The following ANKH variants were observed in gnomAD, a reference collection of about 807,000 sequenced individuals.
ANKH encodes mineralization regulator ANKH.
A neutral mutation model predicts 49.0 loss-of-function variants in ANKH; 15 were observed. The observed-to-expected ratio is 0.31, with a 90% confidence interval of 0.20 to 0.47. The LOEUF is 0.47. ANKH is among the 20% of genes least tolerant of loss of function. ANKH has a pLI of 1.00. For missense variants in ANKH, 429 were observed against 652.0 expected (o/e 0.66, Z 3.72); for synonymous variants, 273 against 260.0 (o/e 1.05, Z -0.48).
At chr5:14,836,712 CA>C (rs1386727363) in intron 1 of ANKH, among the ~76,000 whole-genome samples, 1 of 151,950 alleles carries the variant, frequency 6.6e-6, no homozygotes, top group Non-Finnish European at 1.5e-5. Context: ...TTTATAGATT[CA>C]ATGCCATCCC....
chr5:14,715,305 G>A (rs975963035), intron 9 of ANKH, among the ~76,000 whole-genome samples: 11 of 152,122 alleles, frequency 7.2e-5, no homozygotes, highest in African/African-American at 2.7e-4. Context: ...CTAATTTTTT[G>A]TATTTAGTAG....
At chr5:14,739,206 C>G (rs534062348) in intron 8 of ANKH, among the ~76,000 whole-genome samples, 10 of 152,268 alleles carry the variant, frequency 6.6e-5, no homozygotes, top group African/African-American at 2.4e-4. Context: ...CACTTGAGGT[C>G]AGGAGTTCGA....
rs994155283 is a variant in ANKH at position 14,773,506 on chromosome 5, T to C, written c.97-4315A>G. On this transcript the variant is annotated intron_variant, in intron 1 of 11. Coordinates refer to ENST00000284268, the MANE Select transcript of ANKH (RefSeq NM_054027.6). ...GGAAGAGAGAGGGCCCAGGTAATGA[T>C]AGCTCTGTCAGTGAGACAAAGTGAG... Among the ~76,000 whole-genome samples, 12 of 152,218 alleles carry C rather than the reference T, an allele frequency of 7.9e-5. 1 individual carries two copies. Among genetic ancestry groups the C allele is most frequent in the South Asian group, 4.2e-4 (2 of 4,818 alleles).
intron 8 of ANKH, chr5:14,741,388 C>T (rs901121444): frequency 4.5e-6 from 1 of 222,862 alleles, no homozygotes; most frequent in Non-Finnish European, 9.0e-6. Context: ...CCTATGGGCA[C>T]GTGATGGCCA....
At chr5:14,843,548 C>CAAAA (rs1561080362) in intron 1 of ANKH, among the ~76,000 whole-genome samples, 2 of 21,100 alleles carry the variant, frequency 9.5e-5, no homozygotes, top group African/African-American at 2.3e-4. Flanking sequence ...AGGGGATTAG[C>CAAAA]GAAAAAAAAA....
intron 1 of ANKH, among the ~76,000 whole-genome samples, chr5:14,793,813 G>T (rs1740286060): frequency 6.6e-6 from 1 of 152,178 alleles, no homozygotes; most frequent in Non-Finnish European, 1.5e-5. Context: ...TGCCTTGTTT[G>T]CTCTCTCGTG....
At chr5:14,766,079 A>G (rs567497405) in intron 2 of ANKH, among the ~76,000 whole-genome samples, 3 of 152,270 alleles carry the variant, frequency 2.0e-5, no homozygotes, top group East Asian at 3.9e-4. Flanking sequence ...TTTTGTATCA[A>G]AGATAAGGAA....
intron 1 of ANKH, among the ~76,000 whole-genome samples, chr5:14,775,727 T>A (rs931256107): frequency 7.3e-5 from 11 of 151,568 alleles, no homozygotes; most frequent in African/African-American, 2.7e-4. Context: ...GTAAGAGAAA[T>A]AGAGAGGTGT....
intron 8 of ANKH, chr5:14,717,118 C>G: frequency 2.4e-6 from 1 of 411,526 alleles, no homozygotes; most frequent in South Asian, 2.1e-5. Flanking sequence ...GTGAGCAGAC[C>G]CGTTCAGAAC....
At chr5:14,797,921 T>C (rs1740441452) in intron 1 of ANKH, 11 of 1,599,876 alleles carry the variant, frequency 6.9e-6, no homozygotes, top group African/African-American at 1.3e-5. Context: ...AAGGATCTGG[T>C]TTAGAAGGAT....
chr5:14,779,302 C>T lies in ANKH; in HGVS notation c.97-10111G>A, dbSNP rs149467537. 1.6e-3 allele frequency among the ~76,000 whole-genome samples: 239 copies of T among 152,270 alleles called. 1 individual carries two copies. Among genetic ancestry groups the T allele is most frequent in the African/African-American group, 5.5e-3 (228 of 41,544 alleles). ...ATCTTTGCTACTTGACTGGCCTTCC[C>T]ATCAATGTTTACACAGGCAAAAGTC... On this transcript the variant is annotated intron_variant, in intron 1 of 11. Transcript: ENST00000284268.
chr5:14,861,191 T>C (rs1735478749), intron 1 of ANKH, among the ~76,000 whole-genome samples: 1 of 152,156 alleles, frequency 6.6e-6, no homozygotes, highest in African/African-American at 2.4e-5. Context: ...ACATAAATGC[T>C]CGCACAGGAT....
intron 7 of ANKH, among the ~76,000 whole-genome samples, chr5:14,742,286 A>T (rs1053236748): frequency 1.3e-5 from 2 of 152,112 alleles, no homozygotes; most frequent in Non-Finnish European, 2.9e-5. Flanking sequence ...CACCATCGGC[A>T]TCTCCCTAAA....
Position 14,745,916 on chromosome 5 carries a change from T to C in ANKH, c.869A>G (p.Tyr290Cys). ...TATYPVGHMP[Y>C]GWLTEIRAVY... ...AGCACGGATTTCCGTCAACCAGCCG[T>C]ATGGCATGTGACCCACAGGGTATGT... The change falls in exon 7 of 12, where the codon TAC becomes TGC. Residue 290 changes from tyrosine to cysteine, a missense_variant. Physicochemically the swap from Tyr to Cys is radical, Grantham distance 194 (BLOSUM62 -2). Coordinates refer to ENST00000284268, the MANE Select transcript of ANKH (RefSeq NM_054027.6). This position sits in a 1 kb window ranked among gnomAD's most constrained non-coding sequence, Gnocchi z 4.7. The C allele has an allele frequency of 4.3e-6, 7 of 1,614,192 alleles. No individual in the cohort carries two copies. The highest frequency in any genetic ancestry group is 5.9e-6 in the Non-Finnish European group (7 of 1,180,034).
intron 4 of ANKH, among the ~76,000 whole-genome samples, chr5:14,754,404 G>A: frequency 6.7e-6 from 1 of 149,200 alleles, no homozygotes; most frequent in Admixed American, 6.7e-5. Flanking sequence ...TCACCGACTT[G>A]CTGATGCCAG....
intron 1 of ANKH, among the ~76,000 whole-genome samples, chr5:14,794,166 G>A (rs192107629): frequency 3.9e-5 from 6 of 152,236 alleles, no homozygotes; most frequent in Non-Finnish European, 7.3e-5. Context: ...AGGCATTGTT[G>A]GGAAGTGTAC....
chr5:14,854,402 G>A (rs1465600406), intron 1 of ANKH, among the ~76,000 whole-genome samples: 1 of 152,110 alleles, frequency 6.6e-6, no homozygotes, highest in East Asian at 1.9e-4. Context: ...GGTGGTAGCC[G>A]GGCATGGTGG....
Position 14,763,250 on chromosome 5 carries a change from C to G in ANKH, c.314-4652G>C, listed in dbSNP as rs1430384554. ...TCAATGTTTAAAAGTCTCACAGGTA[C>G]TGTTGTTGACCCACTGTGACCAGCT... On this transcript the variant is annotated intron_variant, in intron 2 of 11. Coordinates refer to ENST00000284268, the MANE Select transcript of ANKH (RefSeq NM_054027.6). Among the ~76,000 whole-genome samples the G allele has an allele frequency of 4.6e-5, 7 of 152,246 alleles. 1 individual carries two copies. The highest frequency in any genetic ancestry group is 1.0e-4 in the Non-Finnish European group (7 of 68,048).
At chr5:14,821,581 ACCATCTTCACTGC>A (rs2126587008) in intron 1 of ANKH, among the ~76,000 whole-genome samples, 1 of 152,352 alleles carries the variant, frequency 6.6e-6, no homozygotes, top group African/African-American at 2.4e-5. Context: ...GCATTAATGT[ACCATCTTCACTGC>A]CCATACTAAA....
Sources: gnomAD v4.1 joint callset for allele counts (sites outside exome capture counted in the v4.1 genomes callset) on GRCh38, gnomAD v4.1.1 for gene constraint, Gnocchi (gnomAD v3.1) non-coding constraint, MANE v1.5 for transcripts, NCBI Gene and HGNC (gene_info 2026-07-23, HGNC 2026-07-21) for gene names.